Variants in CSMD1 observed in about 807,000 individuals in gnomAD.
CSMD1 encodes CUB and Sushi multiple domains 1, also known as CUB and sushi domain-containing protein 1.
Under a neutral mutation model 417.5 loss-of-function variants are expected in CSMD1, and 213 were observed. That is an observed-to-expected ratio of 0.51 (90% CI 0.46 to 0.57). The LOEUF is 0.57. Among genes scored for constraint, CSMD1 ranks in the 20% least tolerant of loss-of-function variants. CSMD1 has a pLI of 0.00. For missense variants in CSMD1, 6,923 were observed against 4,529.7 expected (o/e 1.53, Z -15.17); for synonymous variants, 2,862 against 1,736.8 (o/e 1.65, Z -16.11).
intron 1 of CSMD1, among the ~76,000 whole-genome samples, chr8:4,939,532 T>C (rs1259056133): frequency 6.6e-6 from 1 of 152,090 alleles, no homozygotes; most frequent in African/African-American, 2.4e-5. Context: ...TTAAATGAAA[T>C]GAGCCAGGCG....
At chr8:3,985,966 C>G (rs1193433244) in intron 5 of CSMD1, among the ~76,000 whole-genome samples, 2 of 151,960 alleles carry the variant, frequency 1.3e-5, no homozygotes, top group African/African-American at 4.8e-5. Context: ...AAAAGTTTCC[C>G]TGGCTGTCCT....
chr8:3,680,613 G>C (rs1319374836), intron 7 of CSMD1, among the ~76,000 whole-genome samples: 3 of 152,200 alleles, frequency 2.0e-5, no homozygotes, highest in Non-Finnish European at 4.4e-5. Context: ...GACGTACAAA[G>C]AGGAGCAGGT....
chr8:4,944,898 C>G (rs1178911983), intron 1 of CSMD1, among the ~76,000 whole-genome samples: 1 of 152,066 alleles, frequency 6.6e-6, no homozygotes, highest in Non-Finnish European at 1.5e-5. Context: ...GAATCCACTT[C>G]TGAGGATATA....
chr8:4,799,300 A>C (rs1211219609), intron 1 of CSMD1, among the ~76,000 whole-genome samples: 2 of 152,222 alleles, frequency 1.3e-5, no homozygotes, highest in Non-Finnish European at 2.9e-5. Flanking sequence ...GAAGTTTATC[A>C]AAGATGTTCA....
At position 4,817,515 on chromosome 8, in the gene CSMD1, AG is replaced by A. The variant is rs1273683765; in HGVS notation, c.85+176816del. ...ATGATCCAGTTCTTATTCCAGCCAC[AG>A]GCAAAAGGCCAAGACACTACTGCAT... On this transcript the variant is annotated intron_variant, in intron 1 of 69. Transcript: ENST00000635120. Among the ~76,000 whole-genome samples the A allele has an allele frequency of 4.6e-5, 7 of 152,232 alleles. No homozygotes were observed. The South Asian group carries it at 1.0e-3, about 23-fold the overall frequency.
intron 3 of CSMD1, among the ~76,000 whole-genome samples, chr8:4,172,409 T>C (rs943341246): frequency 1.3e-5 from 2 of 152,120 alleles, no homozygotes; most frequent in Admixed American, 1.3e-4. Context: ...GTGGGTCTCA[T>C]GGCTCCCGCG....
chr8:3,280,717 TA>T (rs2117214331), intron 26 of CSMD1, among the ~76,000 whole-genome samples: 1 of 64,294 alleles, frequency 1.6e-5, no homozygotes, highest in Admixed American at 2.3e-4. Context: ...GAAAACTGAG[TA>T]AAAAATAGTA....
chr8:3,468,756 G>A lies in CSMD1; in HGVS notation c.1517C>T (p.Ser506Leu), dbSNP rs867007084. ...CCCAGGTGAGCCAATGCTATCATCC[G>A]ACTGCAGATGTAGCCACATCTGGTT... ...MSNQMWLHLQ[S>L]DDSIGSPGFK... Residue 506 changes from serine to leucine, a missense_variant, in exon 12 of 70, where the codon TCG becomes TTG. Physicochemically the swap from Ser to Leu is moderately radical, Grantham distance 145 (BLOSUM62 -2). Coordinates refer to ENST00000635120, the MANE Select transcript of CSMD1 (RefSeq NM_033225.6). 6 of 1,606,914 alleles carry A rather than the reference G, an allele frequency of 3.7e-6. No homozygotes were observed. The highest frequency in any genetic ancestry group is 1.3e-5 in the African/African-American group (1 of 74,800).
In CSMD1 at chr8:3,000,716, C is replaced by T. The variant is rs932134139; in HGVS notation, c.8030-585G>A. Reference sequence around the variant, plus strand: ...AAAGAGAAGTCTAGAGTTCCAGGGACAGATGTGCTGAAGTTAGCGTGGACT... The same window carrying T: ...AAAGAGAAGTCTAGAGTTCCAGGGATAGATGTGCTGAAGTTAGCGTGGACT... On this transcript the variant is annotated intron_variant, in intron 52 of 69. Coordinates refer to ENST00000635120, the MANE Select transcript of CSMD1 (RefSeq NM_033225.6). 6.6e-5 allele frequency among the ~76,000 whole-genome samples: 10 copies of T among 152,168 alleles called. 1 individual carries two copies. The highest frequency in any genetic ancestry group is 3.3e-4 in the Admixed American group (5 of 15,278).
intron 9 of CSMD1, 34 bp from the exon 10 acceptor site, chr8:3,575,100 A>G (rs1282892931): frequency 1.2e-6 from 2 of 1,608,062 alleles, no homozygotes; most frequent in Admixed American, 1.7e-5. Context: ...TATTTTCTAC[A>G]ACATTGTGTC....
At chr8:3,222,565 T>C (rs1425302052) in intron 28 of CSMD1, among the ~76,000 whole-genome samples, 2 of 152,158 alleles carry the variant, frequency 1.3e-5, no homozygotes, top group African/African-American at 2.4e-5. Context: ...CATCTTGGCC[T>C]CCTGAAATGC....
chr8:4,107,085 A>G (rs1047867877), intron 3 of CSMD1, among the ~76,000 whole-genome samples: 2 of 152,180 alleles, frequency 1.3e-5, no homozygotes, highest in East Asian at 1.9e-4. Context: ...GACAACATGA[A>G]CAAGGTGATA....
intron 7 of CSMD1, chr8:3,700,720 A>T (rs1034117407): frequency 1.3e-5 from 2 of 152,320 alleles, no homozygotes; most frequent in African/African-American, 4.8e-5. Context: ...AGAGGAGAGC[A>T]AAGTCCCTGG....
intron 20 of CSMD1, among the ~76,000 whole-genome samples, chr8:3,362,076 C>T (rs570099787): frequency 3.9e-5 from 6 of 152,198 alleles, no homozygotes; most frequent in African/African-American, 1.2e-4. Context: ...TTTTTTCCCC[C>T]TTCATCAATT....
At chr8:3,776,943 A>C (rs1016922280) in intron 5 of CSMD1, among the ~76,000 whole-genome samples, 1 of 151,804 alleles carries the variant, frequency 6.6e-6, no homozygotes. Flanking sequence ...TCAACTCTTG[A>C]TCTCAAGTGA....
chr8:3,883,021 T>C (rs1806309937), intron 5 of CSMD1, among the ~76,000 whole-genome samples: 1 of 152,214 alleles, frequency 6.6e-6, no homozygotes, highest in East Asian at 1.9e-4. Flanking sequence ...TATTTTATCC[T>C]GAACCAATAA....
intron 3 of CSMD1, among the ~76,000 whole-genome samples, chr8:4,392,693 G>C (rs1444675064): frequency 2.0e-5 from 3 of 151,694 alleles, no homozygotes; most frequent in African/African-American, 4.8e-5. Flanking sequence ...CTGTGGGCTG[G>C]GCACAGTGGC....
At chr8:3,117,180 C>A (rs2129018542) in intron 42 of CSMD1, among the ~76,000 whole-genome samples, 1 of 152,218 alleles carries the variant, frequency 6.6e-6, no homozygotes, top group Non-Finnish European at 1.5e-5. Flanking sequence ...CCGCCATTCT[C>A]CCACCTCAGC....
At chr8:3,088,843 T>TAAAAAAA (rs5888943) in intron 48 of CSMD1, among the ~76,000 whole-genome samples, 1 of 114,082 alleles carries the variant, frequency 8.8e-6, no homozygotes, top group African/African-American at 3.4e-5. Flanking sequence ...ACTGTGCTAG[T>TAAAAAAA]AAAAAAAAAA....
Sources: gnomAD v4.1 joint callset for allele counts (sites outside exome capture counted in the v4.1 genomes callset) on GRCh38, gnomAD v4.1.1 for gene constraint, MANE v1.5 for transcripts, NCBI Gene and HGNC (gene_info 2026-07-23, HGNC 2026-07-21) for gene names.